Variants in FOXN2 observed in about 807,000 individuals in gnomAD.
FOXN2 encodes forkhead box N2, also known as forkhead box protein N2.
Under a neutral mutation model 41.2 loss-of-function variants are expected in FOXN2, and 19 were observed. The ratio of observed to expected loss-of-function variants is 0.46; its 90% confidence interval spans 0.32 to 0.68. FOXN2 has a LOEUF of 0.68. FOXN2 is among the 30% of genes least tolerant of loss of function. FOXN2 has a pLI of 0.03. For missense variants in FOXN2, 587 were observed against 509.4 expected, an observed-to-expected ratio of 1.15 and a Z score of -1.47; for synonymous variants, 195 against 176.8, an observed-to-expected ratio of 1.10 and a Z score of -0.82.
chr2:48,328,540 C>T (rs1209463187), intron 1 of FOXN2, 21 bp from the exon 2 acceptor site: 1 of 152,014 alleles, frequency 6.6e-6, no homozygotes, highest in Admixed American at 6.6e-5. Flanking sequence ...TTTTTTCCCC[C>T]CAAATATTTC....
At chr2:48,354,777 T>C (rs1671678956) in intron 3 of FOXN2, among the ~76,000 whole-genome samples, 1 of 152,224 alleles carries the variant, frequency 6.6e-6, no homozygotes, top group Non-Finnish European at 1.5e-5. Context: ...TGGGCAAGTA[T>C]ATGAATAGGC....
rs549594464 is a variant in FOXN2 at position 48,352,586 on chromosome 2, G to A, written c.537+5835G>A. 4.6e-5 allele frequency among the ~76,000 whole-genome samples: 7 copies of A among 152,238 alleles called. No individual in the cohort carries two copies. In the South Asian group the frequency reaches 1.0e-3, roughly 23 times the overall value. The stretch of plus-strand genomic sequence containing the variant: ...TAGATCTTTCTCCTAAAGCCCAGAC[G>A]TAAATTTGCAACTAATTATTAGATC... On this transcript the variant is annotated intron_variant, in intron 3 of 6. Coordinates refer to ENST00000340553, the MANE Select transcript of FOXN2 (RefSeq NM_002158.4).
Position 48,358,946 on chromosome 2 carries a change from G to T in FOXN2, c.538-101G>T. On this transcript the variant is annotated intron_variant, in intron 3 of 6. Transcript: ENST00000340553. Reference sequence around the variant, plus strand: ...TTCAACCTTAGTTTCATACTCAAAAGGTGCTAGAGATTATTTACCCCTGCA... The same window carrying T: ...TTCAACCTTAGTTTCATACTCAAAATGTGCTAGAGATTATTTACCCCTGCA... The T allele has an allele frequency of 6.1e-6, 5 of 818,806 alleles. No homozygotes were observed. The South Asian group carries it at 8.7e-5, about 14-fold the overall frequency. The allele number at this position is 818,806 out of a possible 1,614,324, so 50.7% of individuals were successfully genotyped here.
chr2:48,350,736 A>G (rs1040965333), intron 3 of FOXN2, among the ~76,000 whole-genome samples: 5 of 152,186 alleles, frequency 3.3e-5, no homozygotes, highest in Non-Finnish European at 1.5e-5. Flanking sequence ...GGAGCACCAG[A>G]TGGAGGCCAG....
chr2:48,356,393 A>T (rs1423434548), intron 3 of FOXN2, among the ~76,000 whole-genome samples: 1 of 152,186 alleles, frequency 6.6e-6, no homozygotes, highest in Non-Finnish European at 1.5e-5. Context: ...GTGAGCCGAG[A>T]TCGCGCCACT....
At chr2:48,332,217 G>A (rs1193586909) in intron 2 of FOXN2, among the ~76,000 whole-genome samples, 4 of 152,118 alleles carry the variant, frequency 2.6e-5, no homozygotes, top group Non-Finnish European at 5.9e-5. Context: ...TTATTTCAGA[G>A]GTAGTATAGT....
At chr2:48,331,689 C>G (rs143112019) in intron 2 of FOXN2, among the ~76,000 whole-genome samples, 69 of 152,004 alleles carry the variant, frequency 4.5e-4, no homozygotes, top group African/African-American at 1.6e-3. Flanking sequence ...TGGTGACACA[C>G]ACCTGTTGTC....
At chr2:48,369,089 C>T (rs1197000159) in intron 5 of FOXN2, among the ~76,000 whole-genome samples, 2 of 152,192 alleles carry the variant, frequency 1.3e-5, no homozygotes, top group Non-Finnish European at 2.9e-5. Flanking sequence ...TACCATTCTA[C>T]TGTTATAGAA....
At chr2:48,358,637 T>A (rs764662784) in intron 3 of FOXN2, among the ~76,000 whole-genome samples, 4 of 152,154 alleles carry the variant, frequency 2.6e-5, no homozygotes, top group Non-Finnish European at 4.4e-5. Context: ...TCACATTAAA[T>A]CTTAATAGCA....
At chr2:48,314,081 G>A (rs1180450373), upstream of FOXN2, among the ~76,000 whole-genome samples, 1 of 152,228 alleles carries the variant, frequency 6.6e-6, no homozygotes, top group African/African-American at 2.4e-5. Flanking sequence ...TCAAGCCAGA[G>A]TAACACTACT....
In FOXN2 at chr2:48,375,009, G is replaced by A; in HGVS notation, c.862G>A (p.Glu288Lys). 6.2e-7 allele frequency: 1 copy of A among 1,614,028 alleles called. No homozygotes were observed. The highest frequency in any genetic ancestry group is 8.5e-7 in the Non-Finnish European group (1 of 1,179,956). ...FHHPSAVRLQ[E>K]SDSLATSIDP... ...TCATCCCAGTGCTGTACGATTACAAGAGAGTGATTCTTTAGCCACCAGCAT... is the reference window on the plus strand; with the variant it reads ...TCATCCCAGTGCTGTACGATTACAAAAGAGTGATTCTTTAGCCACCAGCAT... Residue 288 changes from glutamate (E) to lysine (K), a missense_variant, in exon 7 of 7, where the codon GAG becomes AAG. Glu to Lys is a moderately conservative substitution (Grantham distance 56, BLOSUM62 1). Coordinates refer to ENST00000340553, the MANE Select transcript of FOXN2 (RefSeq NM_002158.4).
At position 48,378,567 on chromosome 2, in the gene FOXN2, C is replaced by A. The variant is rs1214982742; in HGVS notation, c.*3124C>A. 1 of 152,270 alleles carries A rather than the reference C, an allele frequency of 6.6e-6. No individual in the cohort carries two copies. The highest frequency in any genetic ancestry group is 1.5e-5 in the Non-Finnish European group (1 of 67,916). 9.4% of individuals were successfully genotyped at this position (152,270 alleles called of 1,614,324 possible). ...CAACAGATGTGAATACTTCACAAAG[C>A]TGTAAAGACCATTGTCTTAAATACT... On this transcript the variant is annotated 3_prime_UTR_variant, in exon 7 of 7. Coordinates refer to ENST00000340553, the MANE Select transcript of FOXN2 (RefSeq NM_002158.4).
At position 48,375,420 on chromosome 2, in the gene FOXN2, A is replaced by T. The variant is rs528024655; in HGVS notation, c.1273A>T (p.Asn425Tyr). The change falls in exon 7 of 7, where the codon AAT becomes TAT. Residue 425 changes from asparagine (N) to tyrosine (Y), a missense_variant. Physicochemically the swap from Asn to Tyr is moderately radical, Grantham distance 143 (BLOSUM62 -2). Transcript: ENST00000340553. ...CCTAATAAGTACTGCAAAGACACAAAATCAAAAGCAACGGAAAAAATAGAA... is the reference window on the plus strand; with the variant it reads ...CCTAATAAGTACTGCAAAGACACAATATCAAAAGCAACGGAAAAAATAGAA... ...GSLISTAKTQNQKQRKK is the reference protein window; with the variant it reads ...GSLISTAKTQYQKQRKK 1.2e-6 allele frequency: 2 copies of T among 1,606,286 alleles called. No homozygotes were observed. The highest frequency in any genetic ancestry group is 4.5e-5 in the East Asian group (2 of 44,694).
At chr2:48,360,367 G>GA (rs1217267309) in intron 4 of FOXN2, among the ~76,000 whole-genome samples, 10 of 151,976 alleles carry the variant, frequency 6.6e-5, no homozygotes, top group Non-Finnish European at 1.5e-4. Context: ...TTTAAACATG[G>GA]AAAAAAGTAG....
rs983605750 is a variant in FOXN2, at chr2:48,376,825, A to G, written c.*1382A>G. ...TTCTGAAAGTTCAGTCTTATGCTAC[A>G]TCCTAAGTCATAGACAATGACCTTG... On this transcript the variant is annotated 3_prime_UTR_variant, in exon 7 of 7. Transcript: ENST00000340553. 3 of 152,448 alleles carry G rather than the reference A, an allele frequency of 2.0e-5. No individual in the cohort carries two copies. Among genetic ancestry groups the G allele is most frequent in the African/African-American group, 7.2e-5 (3 of 41,450 alleles). The allele number at this position is 152,448 out of a possible 1,614,324, so 9.4% of individuals were successfully genotyped here.
intron 5 of FOXN2, among the ~76,000 whole-genome samples, chr2:48,365,532 C>A (rs1434984576): frequency 1.3e-5 from 2 of 152,170 alleles, no homozygotes; most frequent in Admixed American, 1.3e-4. Context: ...CAAATTCTTT[C>A]TTTCTTTGGG....
intron 5 of FOXN2, among the ~76,000 whole-genome samples, chr2:48,366,955 T>G (rs935550031): frequency 3.9e-5 from 6 of 152,148 alleles, no homozygotes; most frequent in African/African-American, 1.4e-4. Context: ...ACTTACATAT[T>G]CATCTAACAC....
chr2:48,349,278 G>A (rs1465516741), intron 3 of FOXN2, among the ~76,000 whole-genome samples: 1 of 152,102 alleles, frequency 6.6e-6, no homozygotes, highest in Non-Finnish European at 1.5e-5. Context: ...TTGAGCCCAG[G>A]AGTTAGAGAC....
chr2:48,353,066 G>C (rs78921891), intron 3 of FOXN2, among the ~76,000 whole-genome samples: 2,070 of 152,272 alleles, frequency 0.014, 53 homozygotes, highest in African/African-American at 0.048. Context: ...GATCCAGATA[G>C]ATGTGTGACT....
Sources: gnomAD v4.1 joint callset for allele counts (sites outside exome capture counted in the v4.1 genomes callset) on GRCh38, gnomAD v4.1.1 for gene constraint, MANE v1.5 for transcripts, NCBI Gene and HGNC (gene_info 2026-07-23, HGNC 2026-07-21) for gene names.